The following PCDHGA1 variants were observed in gnomAD, a reference collection of about 807,000 sequenced individuals.
PCDHGA1 encodes protocadherin gamma-A1.
A neutral mutation model predicts 58.0 loss-of-function variants in PCDHGA1; 32 were observed. The ratio of observed to expected loss-of-function variants is 0.55; its 90% confidence interval spans 0.42 to 0.74. PCDHGA1 has a LOEUF of 0.74. PCDHGA1 is among the 30% of genes least tolerant of loss of function. The pLI is 0.00. For missense variants in PCDHGA1, 1,205 were observed against 1,182.3 expected, an observed-to-expected ratio of 1.02 and a Z score of -0.28; for synonymous variants, 498 against 501.1, an observed-to-expected ratio of 0.99 and a Z score of 0.08.
chr5:141,338,942 T>G, intron 1 of PCDHGA1: 1 of 1,523,038 alleles, frequency 6.6e-7, no homozygotes, highest in Non-Finnish European at 8.8e-7. Context: ...TGCTGGAAGT[T>G]GACTCGGAGA....
chr5:141,399,043 G>T lies in PCDHGA1; in HGVS notation c.2421+65938G>T, dbSNP rs545668357. The T allele has an allele frequency of 3.0e-5, 48 of 1,613,890 alleles. No homozygotes were observed. The South Asian group carries it at 4.9e-4, about 17-fold the overall frequency. ...TACCACTCAAAAGAAACTGGATTTTGAAGAGACCAAGGAATATTCAATGGT... is the reference window on the plus strand; with the variant it reads ...TACCACTCAAAAGAAACTGGATTTTTAAGAGACCAAGGAATATTCAATGGT... On this transcript the variant is annotated intron_variant, in intron 1 of 3. Transcript: ENST00000517417.
chr5:141,375,011 G>C, intron 1 of PCDHGA1: 2 of 1,614,028 alleles, frequency 1.2e-6, no homozygotes, highest in Non-Finnish European at 1.7e-6. Context: ...TCTAGACTAT[G>C]AGGACTCGAG....
At chr5:141,371,684 A>T (rs756152313) in intron 1 of PCDHGA1, 3 of 1,614,050 alleles carry the variant, frequency 1.9e-6, no homozygotes, top group Non-Finnish European at 1.7e-6. Flanking sequence ...AAGGCAATCC[A>T]CCGCTCTCCT....
intron 1 of PCDHGA1, among the ~76,000 whole-genome samples, chr5:141,386,184 C>T (rs1402266173): frequency 6.6e-6 from 1 of 152,164 alleles, no homozygotes; most frequent in Non-Finnish European, 1.5e-5. Context: ...ATCTTATGTA[C>T]ACAGATCCTA....
At chr5:141,364,767 C>A (rs868142397) in intron 1 of PCDHGA1, 3 of 1,613,760 alleles carry the variant, frequency 1.9e-6, no homozygotes, top group African/African-American at 1.3e-5. Flanking sequence ...AATGAAAATG[C>A]GGCTGCAGGG....
intron 1 of PCDHGA1, chr5:141,410,517 C>T: frequency 6.2e-7 from 1 of 1,613,926 alleles, no homozygotes; most frequent in Non-Finnish European, 8.5e-7. Flanking sequence ...TGCAGTGTGC[C>T]CCTACATTCC....
chr5:141,392,542 A>C (rs2092551305), intron 1 of PCDHGA1: 1 of 323,320 alleles, frequency 3.1e-6, no homozygotes, highest in African/African-American at 2.1e-5. Flanking sequence ...ATTTAGAAGT[A>C]ATCTGTATCT....
intron 1 of PCDHGA1, among the ~76,000 whole-genome samples, chr5:141,443,609 T>C (rs2098396115): frequency 1.3e-5 from 2 of 152,260 alleles, no homozygotes; most frequent in African/African-American, 4.8e-5. Flanking sequence ...GAAATGTTCT[T>C]ATAATCAGGT....
At chr5:141,375,707 C>G in intron 1 of PCDHGA1, 1 of 1,614,264 alleles carries the variant, frequency 6.2e-7, no homozygotes, top group Non-Finnish European at 8.5e-7. Context: ...GGACCCGCCT[C>G]TTAGCAGCAA....
At position 141,414,140 on chromosome 5, in the gene PCDHGA1, A is replaced by G. The variant is rs764980296; in HGVS notation, c.2422-80667A>G. ...GAAGAAACCGGTTTCTATGAAATAG[A>G]AATACAAGCAGAAGATGGAGGAGCA... On this transcript the variant is annotated intron_variant, in intron 1 of 3. Transcript: ENST00000517417. 4 of 1,596,912 alleles carry G rather than the reference A, an allele frequency of 2.5e-6. No individual in the cohort carries two copies. In the African/African-American group the frequency reaches 5.4e-5, roughly 21 times the overall value.
Position 141,431,205 on chromosome 5 carries a change from A to T in PCDHGA1, c.2422-63602A>T, listed in dbSNP as rs1438031040. ...AAAATTAGTGAAAATGCAGCCACTG[A>T]GATGCGGTTCCCTCTACCCCACGCC... On this transcript the variant is annotated intron_variant, in intron 1 of 3. Transcript: ENST00000517417. This position sits in a 1 kb window ranked among gnomAD's most constrained non-coding sequence, Gnocchi z 4.8. 1.1e-5 allele frequency: 18 copies of T among 1,614,092 alleles called. No homozygotes were observed. Among genetic ancestry groups the T allele is most frequent in the Non-Finnish European group, 1.5e-5 (18 of 1,180,056 alleles).
At position 141,374,492 on chromosome 5, in the gene PCDHGA1, G is replaced by A. The variant is rs770971184; in HGVS notation, c.2421+41387G>A. The A allele has an allele frequency of 5.3e-5, 85 of 1,611,364 alleles. No individual in the cohort carries two copies. The highest frequency in any genetic ancestry group is 6.9e-5 in the Non-Finnish European group (81 of 1,177,766). On this transcript the variant is annotated intron_variant, in intron 1 of 3. Transcript: ENST00000517417. ...CAATACACCCCGATTCTTAAAGGAA[G>A]AATTGGAAGTGAAAATTCTCGAAAA... is the stretch of plus-strand genomic sequence containing the variant.
At chr5:141,355,929 T>G (rs1760047628) in intron 1 of PCDHGA1, 1 of 1,613,900 alleles carries the variant, frequency 6.2e-7, no homozygotes, top group East Asian at 2.2e-5. Context: ...CCGTGTTCAC[T>G]CAGCCCGAGT....
At chr5:141,383,161 G>T (rs774337554) in intron 1 of PCDHGA1, 1 of 1,614,052 alleles carries the variant, frequency 6.2e-7, no homozygotes, top group East Asian at 2.2e-5. Flanking sequence ...GGTCACTGCG[G>T]GCAGGATAGA....
intron 1 of PCDHGA1, chr5:141,374,501 G>T (rs746410507): frequency 8.1e-6 from 13 of 1,611,510 alleles, no homozygotes; most frequent in Non-Finnish European, 1.0e-5. Context: ...AGAATTGGAA[G>T]TGAAAATTCT....
intron 1 of PCDHGA1, chr5:141,350,398 G>A (rs1056572833): frequency 1.3e-6 from 2 of 1,599,976 alleles, no homozygotes; most frequent in Non-Finnish European, 1.7e-6. Flanking sequence ...CACGGGTGGG[G>A]AAACTTGCCA....
chr5:141,381,194 A>G (rs1490314402), intron 1 of PCDHGA1, among the ~76,000 whole-genome samples: 2 of 152,234 alleles, frequency 1.3e-5, no homozygotes, highest in African/African-American at 4.8e-5. Context: ...AAGCTTTCTT[A>G]GTGTTAGTTC....
chr5:141,478,882 A>G, intron 1 of PCDHGA1: 1 of 1,200,164 alleles, frequency 8.3e-7, no homozygotes. Context: ...TTAGCTTGGT[A>G]TCATTTACAT....
At chr5:141,400,186 TACCTAG>T (rs1474148355) in intron 1 of PCDHGA1, 1 of 1,614,068 alleles carries the variant, frequency 6.2e-7, no homozygotes, top group Non-Finnish European at 8.5e-7. Flanking sequence ...GCTGCAGTTT[TACCTAG>T]TGGTGGCCTT....
Sources: gnomAD v4.1 joint callset for allele counts (sites outside exome capture counted in the v4.1 genomes callset) on GRCh38, gnomAD v4.1.1 for gene constraint, Gnocchi (gnomAD v3.1) non-coding constraint, MANE v1.5 for transcripts, NCBI Gene and HGNC (gene_info 2026-07-23, HGNC 2026-07-21) for gene names.